Variants in PPP2R2B observed in about 807,000 individuals in gnomAD.
The protein encoded by PPP2R2B is protein phosphatase 2 regulatory subunit Bbeta.
PPP2R2B carries 5 observed loss-of-function variants against 46.0 expected under a neutral mutation model. The observed-to-expected ratio is 0.11, with a 90% confidence interval of 0.06 to 0.23. The LOEUF (loss-of-function observed/expected upper bound fraction) is 0.23, where lower values mean the gene tolerates loss of function less well. Among genes scored for constraint, PPP2R2B ranks in the 10% least tolerant of loss-of-function variants. The probability of loss-of-function intolerance (pLI) is 1.00; values close to 1 mark genes in which losing one functional copy is unlikely to be tolerated. For synonymous variants in PPP2R2B, 215 were observed against 206.7 expected (o/e 1.04, Z -0.34); for missense variants, 367 against 575.0 (o/e 0.64, Z 3.70).
At chr5:146,916,772 G>C (rs1411351029) in intron 1 of PPP2R2B, among the ~76,000 whole-genome samples, 1 of 152,024 alleles carries the variant, frequency 6.6e-6, no homozygotes, top group Non-Finnish European at 1.5e-5. Context: ...TCAATTTTGT[G>C]ACTTGTAGTA....
chr5:146,714,228 AG>A (rs1561852799), intron 2 of PPP2R2B, among the ~76,000 whole-genome samples: 3 of 152,200 alleles, frequency 2.0e-5, no homozygotes, highest in African/African-American at 7.2e-5. Flanking sequence ...GCAAGCTAAA[AG>A]TTTAGAGTAA....
At chr5:146,824,101 C>G (rs1439725700) in intron 2 of PPP2R2B, among the ~76,000 whole-genome samples, 1 of 152,218 alleles carries the variant, frequency 6.6e-6, no homozygotes, top group Non-Finnish European at 1.5e-5. Flanking sequence ...TCAGATGTCA[C>G]AGGAAGCTAC....
At chr5:146,812,815 A>ATATATATATATATATATATG (rs1757697670) in intron 2 of PPP2R2B, among the ~76,000 whole-genome samples, 2 of 35,636 alleles carry the variant, frequency 5.6e-5, no homozygotes, top group African/African-American at 8.4e-5. Flanking sequence ...ATATATATAT[A>ATATATATATATATATATATG]TATATATATA....
At chr5:146,800,939 C>T (rs1582133861) in intron 2 of PPP2R2B, among the ~76,000 whole-genome samples, 1 of 151,500 alleles carries the variant, frequency 6.6e-6, no homozygotes, top group African/African-American at 2.4e-5. Context: ...CACACACACA[C>T]ACACACATAT....
At chr5:146,773,552 G>A (rs901449100) in intron 2 of PPP2R2B, among the ~76,000 whole-genome samples, 15 of 152,286 alleles carry the variant, frequency 9.8e-5, no homozygotes. Context: ...ATGAATTATG[G>A]CCTATCTACA....
chr5:146,920,251 G>T (rs1763549291), intron 1 of PPP2R2B, among the ~76,000 whole-genome samples: 1 of 152,154 alleles, frequency 6.6e-6, no homozygotes, highest in Non-Finnish European at 1.5e-5. Flanking sequence ...AAAGCAAGTT[G>T]CATCATAGTT....
chr5:146,671,216 G>T lies in PPP2R2B; in HGVS notation c.447+19912C>A, dbSNP rs368617332. On this transcript the variant is annotated intron_variant, in intron 5 of 9. Coordinates refer to ENST00000394411, the MANE Select transcript of PPP2R2B (RefSeq NM_181675.4). ...TGGGAAACACAATGATATACACCAA[G>T]GTAGTATGTTAGGTGATTCATGTAT... is the stretch of plus-strand genomic sequence containing the variant. 5.6e-4 allele frequency among the ~76,000 whole-genome samples: 85 copies of T among 152,266 alleles called. 1 individual carries two copies. The South Asian group carries it at 0.017, about 30-fold the overall frequency.
chr5:146,830,011 T>G lies in PPP2R2B; in HGVS notation c.70+47991A>C, dbSNP rs546563744. Among the ~76,000 whole-genome samples, 6 of 152,300 alleles carry G rather than the reference T, an allele frequency of 3.9e-5. No homozygotes were observed. In the South Asian group the frequency reaches 1.2e-3, roughly 32 times the overall value. ...TTGTGAGAATACCTACATCATAGGA[T>G]TGTGAGGATTATGTAAGATATTCTA... On this transcript the variant is annotated intron_variant, in intron 2 of 9. Coordinates refer to ENST00000394411, the MANE Select transcript of PPP2R2B (RefSeq NM_181675.4).
At chr5:146,760,320 C>A (rs1754083802) in intron 2 of PPP2R2B, among the ~76,000 whole-genome samples, 1 of 152,132 alleles carries the variant, frequency 6.6e-6, no homozygotes, top group South Asian at 2.1e-4. Flanking sequence ...ATAATTTTCA[C>A]TGCATAGCTA....
chr5:146,812,492 A>AC (rs1561926803), intron 2 of PPP2R2B, among the ~76,000 whole-genome samples: 13 of 28,992 alleles, frequency 4.5e-4, no homozygotes, highest in Non-Finnish European at 8.3e-4. Context: ...ATATATATAT[A>AC]TACTGTATAT....
intron 1 of PPP2R2B, among the ~76,000 whole-genome samples, chr5:146,924,284 C>A (rs934292537): frequency 6.6e-6 from 1 of 152,194 alleles, no homozygotes; most frequent in African/African-American, 2.4e-5. Context: ...CACCCCTGTG[C>A]TGTCTTTGCT....
At chr5:146,819,053 A>C (rs1017835807) in intron 2 of PPP2R2B, among the ~76,000 whole-genome samples, 1 of 152,164 alleles carries the variant, frequency 6.6e-6, no homozygotes, top group African/African-American at 2.4e-5. Flanking sequence ...TATGCCTACA[A>C]ATCAGTGCAG....
intron 1 of PPP2R2B, among the ~76,000 whole-genome samples, chr5:146,915,325 G>T (rs1260994034): frequency 2.0e-5 from 3 of 151,978 alleles, no homozygotes; most frequent in Non-Finnish European, 4.4e-5. Flanking sequence ...AATTCAAATT[G>T]CTCACCCTGG....
rs972224029 is a variant in PPP2R2B at position 146,974,347 on chromosome 5, C to T, written c.79+81318G>A. ...AGCCATGAGGCAGGGTTCATTATTC[C>T]TCCCATTTCACACATTAGAAAATGG... On this transcript the variant is annotated intron_variant, in intron 1 of 8. Coordinates refer to the PPP2R2B transcript ENST00000336640. 2.6e-5 allele frequency among the ~76,000 whole-genome samples: 4 copies of T among 152,096 alleles called. No homozygotes were observed. In the South Asian group the frequency reaches 6.2e-4, roughly 24 times the overall value.
chr5:146,689,090 CA>C (rs1170404513), intron 5 of PPP2R2B, among the ~76,000 whole-genome samples: 1 of 152,096 alleles, frequency 6.6e-6, no homozygotes, highest in Non-Finnish European at 1.5e-5. Context: ...GGCCCACTAT[CA>C]GTAGGGGGTA....
intron 2 of PPP2R2B, among the ~76,000 whole-genome samples, chr5:146,844,438 C>T (rs1298586082): frequency 6.6e-6 from 1 of 152,052 alleles, no homozygotes; most frequent in Non-Finnish European, 1.5e-5. Flanking sequence ...CTCCTAGCTT[C>T]CTTGGATTCT....
chr5:146,632,049 G>A (rs1306824943), intron 7 of PPP2R2B, among the ~76,000 whole-genome samples: 1 of 149,598 alleles, frequency 6.7e-6, no homozygotes, highest in Non-Finnish European at 1.5e-5. Flanking sequence ...CTCCTACTAT[G>A]GGCTGAGTTG....
chr5:146,908,525 A>ATTTAGAT (rs765167731), intron 1 of PPP2R2B, among the ~76,000 whole-genome samples: 3 of 143,114 alleles, frequency 2.1e-5, no homozygotes, highest in African/African-American at 7.7e-5. Context: ...AAATTGTTAG[A>ATTTAGAT]TTTTTTTTTT....
chr5:146,736,055 T>A (rs138907222), intron 2 of PPP2R2B, among the ~76,000 whole-genome samples: 1 of 152,184 alleles, frequency 6.6e-6, no homozygotes, highest in East Asian at 1.9e-4. Flanking sequence ...AATTGAATCA[T>A]GGGAGCAGTT....
Sources: gnomAD v4.1 joint callset for allele counts (sites outside exome capture counted in the v4.1 genomes callset) on GRCh38, gnomAD v4.1.1 for gene constraint, MANE v1.5 for transcripts, NCBI Gene and HGNC (gene_info 2026-07-23, HGNC 2026-07-21) for gene names.